The following PRKN variants were observed in gnomAD, a reference collection of about 807,000 sequenced individuals.
PRKN encodes the protein parkin RBR E3 ubiquitin protein ligase.
Under a neutral mutation model 59.5 loss-of-function variants are expected in PRKN, and 56 were observed. That is an observed-to-expected ratio of 0.94 (90% CI 0.76 to 1.18). The LOEUF (loss-of-function observed/expected upper bound fraction) is 1.18. Ranked by LOEUF, PRKN falls within the 50% of genes most tolerant of loss-of-function variation. The probability of loss-of-function intolerance (pLI) is 0.00; values close to 1 mark genes in which losing one functional copy is unlikely to be tolerated. For synonymous variants in PRKN, 250 were observed against 222.1 expected (o/e 1.13, Z -1.12); for missense variants, 657 against 596.4 (o/e 1.10, Z -1.06).
chr6:161,819,904 A>G (rs1791949015), intron 6 of PRKN, among the ~76,000 whole-genome samples: 1 of 152,218 alleles, frequency 6.6e-6, no homozygotes, highest in African/African-American at 2.4e-5. Context: ...GAGATACTTC[A>G]AAGCATAATA....
At chr6:162,099,200 G>A (rs574536984) in intron 4 of PRKN, among the ~76,000 whole-genome samples, 6 of 152,214 alleles carry the variant, frequency 3.9e-5, no homozygotes, top group Middle Eastern at 3.4e-3. Context: ...CTCTGGCCAC[G>A]GGCCGTCAGG....
intron 4 of PRKN, among the ~76,000 whole-genome samples, chr6:162,128,594 A>G (rs1583072218): frequency 6.6e-6 from 1 of 152,220 alleles, no homozygotes; most frequent in East Asian, 1.9e-4. Context: ...CATTTATACT[A>G]CAAGTATCCT....
intron 2 of PRKN, among the ~76,000 whole-genome samples, chr6:162,323,715 C>T (rs899967981): frequency 1.2e-4 from 19 of 152,030 alleles, no homozygotes; most frequent in Non-Finnish European, 2.5e-4. Flanking sequence ...TACTACAAAC[C>T]TATCAGAATG....
intron 7 of PRKN, among the ~76,000 whole-genome samples, chr6:161,637,391 T>C (rs1040929563): frequency 1.3e-5 from 2 of 151,192 alleles, no homozygotes; most frequent in Non-Finnish European, 3.0e-5. Flanking sequence ...AAGAACAAAA[T>C]TGTGTAAGAA....
chr6:162,583,344 A>T (rs1368487706), intron 1 of PRKN, among the ~76,000 whole-genome samples: 1 of 152,216 alleles, frequency 6.6e-6, no homozygotes, highest in African/African-American at 2.4e-5. Flanking sequence ...TATAGGGTTT[A>T]GAGTTAGCTT....
At chr6:162,361,714 G>A (rs1017117347) in intron 2 of PRKN, among the ~76,000 whole-genome samples, 1 of 152,140 alleles carries the variant, frequency 6.6e-6, no homozygotes, top group African/African-American at 2.4e-5. Context: ...CAAGTGTGCT[G>A]TGCATAGGTT....
chr6:161,913,228 G>C (rs934473450), intron 6 of PRKN, among the ~76,000 whole-genome samples: 2 of 150,652 alleles, frequency 1.3e-5, no homozygotes, highest in Non-Finnish European at 2.9e-5. Context: ...TAGATAGCTG[G>C]AACACCCAAT....
intron 2 of PRKN, among the ~76,000 whole-genome samples, chr6:162,430,682 C>T (rs1029918124): frequency 6.6e-6 from 1 of 151,856 alleles, no homozygotes; most frequent in Non-Finnish European, 1.5e-5. Context: ...AATTACAGGC[C>T]ACATTAATAG....
rs200839365 is a variant in PRKN at position 162,593,795 on chromosome 6, G to T, written c.7+133867C>A. 3.9e-5 allele frequency among the ~76,000 whole-genome samples: 6 copies of T among 152,242 alleles called. No homozygotes were observed. The East Asian group carries it at 1.2e-3, about 29-fold the overall frequency. On this transcript the variant is annotated intron_variant, in intron 1 of 11. Transcript: ENST00000366898. ...GAAAATTTTGGTAGATATTAAAAAA[G>T]GCTAATGTCGCTTTTGTTAAGTGTG... is the stretch of plus-strand genomic sequence containing the variant.
At chr6:162,098,690 C>A (rs994533604) in intron 4 of PRKN, among the ~76,000 whole-genome samples, 3 of 152,220 alleles carry the variant, frequency 2.0e-5, no homozygotes, top group African/African-American at 4.8e-5. Context: ...AAAATTTCTA[C>A]ATTATTCCTA....
chr6:161,545,385 A>G lies in PRKN; in HGVS notation c.1083+3469T>C, dbSNP rs549562291. 245 of 1,612,354 alleles carry G rather than the reference A, an allele frequency of 1.5e-4. 1 individual carries two copies. The East Asian group carries it at 1.5e-3, about 10-fold the overall frequency. On this transcript the variant is annotated intron_variant, in intron 9 of 11. Coordinates refer to ENST00000366898, the MANE Select transcript of PRKN (RefSeq NM_004562.3). The surrounding 1 kb of genome is among the most constrained non-coding windows in gnomAD (Gnocchi z 4.1). ...GACTTTTCCTTGAACGATGTATTGA[A>G]TGAGGCACTCACTTCTCCCTGAGGC... is the stretch of plus-strand genomic sequence containing the variant.
chr6:162,725,771 G>GAA lies in PRKN; in HGVS notation c.7+1889_7+1890dup, dbSNP rs34045483. 8.8e-4 allele frequency among the ~76,000 whole-genome samples: 115 copies of GAA among 130,508 alleles called. No individual in the cohort carries two copies. In the East Asian group the frequency reaches 1.0e-2, roughly 11 times the overall value. 85.6% of individuals were successfully genotyped at this position (130,508 alleles called of 152,430 possible). ...GAGACAGAACCTGTCTCAAAAAGAG[G>GAA]AAAAAAAAAAAAAAAAGACGTGTGT... is the stretch of plus-strand genomic sequence containing the variant. On this transcript the variant is annotated intron_variant, in intron 1 of 11. Transcript: ENST00000366898.
At chr6:161,418,212 G>T (rs897119553) in intron 9 of PRKN, among the ~76,000 whole-genome samples, 5 of 152,322 alleles carry the variant, frequency 3.3e-5, no homozygotes, top group Non-Finnish European at 7.4e-5. Context: ...GACAGATAAC[G>T]TGTTTGAAGC....
intron 4 of PRKN, among the ~76,000 whole-genome samples, chr6:162,075,586 C>T (rs9355977): frequency 0.82 from 124,562 of 151,986 alleles, 51,245 homozygotes; most frequent in Admixed American, 0.88. Context: ...GAATATGTAT[C>T]ATCAATCTGG....
chr6:162,491,657 G>A (rs965758005), intron 1 of PRKN, among the ~76,000 whole-genome samples: 2 of 152,202 alleles, frequency 1.3e-5, no homozygotes, highest in African/African-American at 4.8e-5. Flanking sequence ...AGCTGGCTCA[G>A]GGGGTCAGGC....
intron 4 of PRKN, among the ~76,000 whole-genome samples, chr6:162,151,974 A>G (rs982041015): frequency 1.3e-5 from 2 of 152,220 alleles, no homozygotes; most frequent in African/African-American, 4.8e-5. Flanking sequence ...TCAAATAATT[A>G]TAATGCTTTA....
intron 6 of PRKN, among the ~76,000 whole-genome samples, chr6:161,787,645 A>T (rs1790474470): frequency 6.6e-6 from 1 of 152,194 alleles, no homozygotes; most frequent in South Asian, 2.1e-4. Flanking sequence ...TATATAACAA[A>T]GTTAAAAAGA....
At chr6:162,444,335 A>G (rs1278700194) in intron 1 of PRKN, among the ~76,000 whole-genome samples, 2 of 152,104 alleles carry the variant, frequency 1.3e-5, no homozygotes, top group Non-Finnish European at 2.9e-5. Context: ...GAGCCTTATT[A>G]ATACAGAGCT....
At chr6:162,103,259 G>A (rs1780054015) in intron 4 of PRKN, among the ~76,000 whole-genome samples, 1 of 151,876 alleles carries the variant, frequency 6.6e-6, no homozygotes, top group African/African-American at 2.4e-5. Context: ...TAAAACAGGA[G>A]CAATAAAAGA....
Sources: gnomAD v4.1 joint callset for allele counts (sites outside exome capture counted in the v4.1 genomes callset) on GRCh38, gnomAD v4.1.1 for gene constraint, Gnocchi (gnomAD v3.1) non-coding constraint, MANE v1.5 for transcripts, NCBI Gene and HGNC (gene_info 2026-07-23, HGNC 2026-07-21) for gene names.